Variants in FGF14 observed in about 807,000 individuals in gnomAD.
FGF14 encodes the protein fibroblast growth factor 14, also known as fibroblast growth factor homologous factor 4.
A neutral mutation model predicts 25.5 loss-of-function variants in FGF14; 5 were observed. The observed-to-expected ratio is 0.20, with a 90% CI of 0.10 to 0.41. The LOEUF is 0.41. Among genes scored for constraint, FGF14 ranks in the 10% least tolerant of loss-of-function variants. FGF14 has a pLI of 1.00. For missense variants in FGF14, 222 were observed against 320.1 expected (o/e 0.69, Z 2.34); for synonymous variants, 138 against 118.3 (o/e 1.17, Z -1.08).
chr13:102,026,379 A>T (rs2139901988), intron 1 of FGF14, among the ~76,000 whole-genome samples: 1 of 151,940 alleles, frequency 6.6e-6, no homozygotes, highest in South Asian at 2.1e-4. Context: ...TATATTCATA[A>T]AGGATATTGA....
At chr13:102,075,196 C>T (rs1426870773) in intron 1 of FGF14, among the ~76,000 whole-genome samples, 1 of 152,192 alleles carries the variant, frequency 6.6e-6, no homozygotes, top group Non-Finnish European at 1.5e-5. Context: ...CACCAGAAAA[C>T]TGTTGGAACT....
At chr13:101,865,843 T>C (rs979736502) in intron 3 of FGF14, among the ~76,000 whole-genome samples, 2 of 152,160 alleles carry the variant, frequency 1.3e-5, no homozygotes, top group African/African-American at 2.4e-5. Context: ...TATTAGACTC[T>C]AGTTTACACT....
At chr13:102,346,546 G>C (rs912594369) in intron 1 of FGF14, among the ~76,000 whole-genome samples, 1 of 151,988 alleles carries the variant, frequency 6.6e-6, no homozygotes, top group Admixed American at 6.6e-5. Context: ...ATATATGGCA[G>C]CGTACAGAGC....
intron 1 of FGF14, among the ~76,000 whole-genome samples, chr13:101,972,882 G>T (rs376432485): frequency 2.2e-4 from 33 of 152,244 alleles, no homozygotes; most frequent in African/African-American, 7.5e-4. Flanking sequence ...ATTTTCCTTT[G>T]CTGGGGGAGA....
At position 101,879,792 on chromosome 13, in the gene FGF14, T is replaced by C. The variant is rs1200476981; in HGVS notation, c.194-4496A>G. Among the ~76,000 whole-genome samples the C allele has an allele frequency of 2.0e-5, 3 of 152,308 alleles. No homozygotes were observed. In the East Asian group the frequency reaches 5.8e-4, roughly 29 times the overall value. The stretch of plus-strand genomic sequence containing the variant: ...ATTTTTATAGGGTAAAAACAACTTT[T>C]GTAATGTACATTTTTGCAGAAAAAA... On this transcript the variant is annotated intron_variant, in intron 1 of 4. Coordinates refer to ENST00000376143, the MANE Select transcript of FGF14 (RefSeq NM_004115.4).
At chr13:102,331,604 G>A (rs1227107213) in intron 1 of FGF14, among the ~76,000 whole-genome samples, 1 of 152,034 alleles carries the variant, frequency 6.6e-6, no homozygotes, top group East Asian at 1.9e-4. Context: ...CATCTCCAAG[G>A]GGATTGATTT....
At chr13:102,021,747 A>G (rs568485569) in intron 1 of FGF14, among the ~76,000 whole-genome samples, 1 of 152,210 alleles carries the variant, frequency 6.6e-6, no homozygotes, top group African/African-American at 2.4e-5. Flanking sequence ...CAGAAATACC[A>G]AACTGTTTCC....
intron 3 of FGF14, among the ~76,000 whole-genome samples, chr13:101,733,022 C>T (rs972907435): frequency 3.3e-5 from 5 of 152,126 alleles, no homozygotes; most frequent in African/African-American, 1.2e-4. Flanking sequence ...ACACTAACCA[C>T]TTCTTTAAAA....
intron 1 of FGF14, among the ~76,000 whole-genome samples, chr13:102,149,496 T>C (rs1490649652): frequency 6.6e-6 from 1 of 152,182 alleles, no homozygotes; most frequent in Non-Finnish European, 1.5e-5. Context: ...CACGACATCT[T>C]AGAGCCCATC....
At chr13:102,229,300 C>G (rs981105002) in intron 1 of FGF14, among the ~76,000 whole-genome samples, 4 of 152,160 alleles carry the variant, frequency 2.6e-5, no homozygotes, top group Non-Finnish European at 5.9e-5. Flanking sequence ...TTACTTAGTA[C>G]TTAAGACATG....
At chr13:102,159,708 T>C (rs2047534549) in intron 1 of FGF14, among the ~76,000 whole-genome samples, 1 of 152,322 alleles carries the variant, frequency 6.6e-6, no homozygotes, top group Admixed American at 6.5e-5. Flanking sequence ...CACAGTAGAA[T>C]TTAACATGCA....
intron 1 of FGF14, among the ~76,000 whole-genome samples, chr13:101,882,978 G>A (rs2045795834): frequency 6.6e-6 from 1 of 151,870 alleles, no homozygotes. Context: ...AAACAGCAAG[G>A]GAAGGAGAAG....
chr13:101,817,343 C>T (rs1439027815), intron 3 of FGF14, among the ~76,000 whole-genome samples: 1 of 151,968 alleles, frequency 6.6e-6, no homozygotes, highest in East Asian at 1.9e-4. Context: ...CTTTAAATAC[C>T]TGAAACAGCA....
intron 1 of FGF14, among the ~76,000 whole-genome samples, chr13:102,398,448 T>C (rs1484387560): frequency 2.0e-5 from 3 of 152,120 alleles, no homozygotes; most frequent in African/African-American, 4.8e-5. Context: ...TCCAAAGATA[T>C]AGGAAGGAAA....
intron 1 of FGF14, among the ~76,000 whole-genome samples, chr13:101,987,523 A>C: frequency 6.6e-6 from 1 of 152,164 alleles, no homozygotes; most frequent in Non-Finnish European, 1.5e-5. Flanking sequence ...AGCAAGTTTT[A>C]GCACTTAATT....
chr13:101,740,848 T>C (rs1051121065), intron 3 of FGF14, among the ~76,000 whole-genome samples: 1 of 152,204 alleles, frequency 6.6e-6, no homozygotes, highest in African/African-American at 2.4e-5. Flanking sequence ...CCAAATTACT[T>C]CAGAAATCTT....
At chr13:101,887,048 G>A (rs1329761334) in intron 1 of FGF14, among the ~76,000 whole-genome samples, 1 of 152,058 alleles carries the variant, frequency 6.6e-6, no homozygotes, top group Admixed American at 6.6e-5. Context: ...AATAACATAT[G>A]CCGGGGAGGA....
chr13:101,810,503 G>A (rs1050398034), intron 3 of FGF14, among the ~76,000 whole-genome samples: 8 of 152,096 alleles, frequency 5.3e-5, no homozygotes, highest in Non-Finnish European at 1.0e-4. Context: ...TAATGCTGAC[G>A]ACCATATCAC....
intron 1 of FGF14, among the ~76,000 whole-genome samples, chr13:102,037,075 G>T (rs1394165815): frequency 6.6e-6 from 1 of 152,066 alleles, no homozygotes; most frequent in Admixed American, 6.6e-5. Context: ...ATTATCTCTT[G>T]AGTGTTTGAG....
Sources: gnomAD v4.1 joint callset for allele counts (sites outside exome capture counted in the v4.1 genomes callset) on GRCh38, gnomAD v4.1.1 for gene constraint, MANE v1.5 for transcripts, NCBI Gene and HGNC (gene_info 2026-07-23, HGNC 2026-07-21) for gene names.